PPARGC1B: variants seen among roughly 807,000 people sequenced by gnomAD.
The protein encoded by PPARGC1B is PPARG coactivator 1 beta, also known as peroxisome proliferator-activated receptor gamma coactivator 1-beta.
In PPARGC1B, 34 loss-of-function variants were observed where a neutral mutation model predicts 101.6. The observed-to-expected ratio is 0.33, with a 90% confidence interval of 0.25 to 0.45. PPARGC1B has a LOEUF of 0.45. PPARGC1B is among the 20% of genes least tolerant of loss of function. The probability of loss-of-function intolerance (pLI) is 1.00; values close to 1 mark genes in which losing one functional copy is unlikely to be tolerated. For missense variants in PPARGC1B, 1,234 were observed against 1,317.6 expected (o/e 0.94, Z 0.98); for synonymous variants, 548 against 539.3 (o/e 1.02, Z -0.22).
rs762128880 is a variant in PPARGC1B at position 149,833,450 on chromosome 5, C to A, written c.1377C>A (p.Gly459=). The part of the protein sequence containing the change: ...EEWGRKRPGR[G]LPWTKLGRKL... ...GGGGCAGGAAAAGGCCAGGCCGAGG[C>A]CTGCCATGGACGAAGCTGGGGAGGA... The change falls in exon 5 of 12, where the codon GGC becomes GGA. Residue 459 remains glycine, a synonymous_variant. Coordinates refer to ENST00000309241, the MANE Select transcript of PPARGC1B (RefSeq NM_133263.4). The surrounding 1 kb of genome is among the most constrained non-coding windows in gnomAD (Gnocchi z 4.1). The A allele has an allele frequency of 6.3e-7, 1 of 1,575,608 alleles. No individual in the cohort carries two copies. Among genetic ancestry groups the A allele is most frequent in the South Asian group, 1.1e-5 (1 of 87,288 alleles).
At chr5:149,825,386 G>A (rs1272823539) in intron 2 of PPARGC1B, among the ~76,000 whole-genome samples, 1 of 152,258 alleles carries the variant, frequency 6.6e-6, no homozygotes, top group African/African-American at 2.4e-5. Flanking sequence ...GCCTCCCTGA[G>A]CCTGACAGAG....
intron 3 of PPARGC1B, among the ~76,000 whole-genome samples, chr5:149,829,305 G>A (rs1029144650): frequency 2.0e-5 from 3 of 152,128 alleles, no homozygotes; most frequent in South Asian, 4.1e-4. Context: ...ACAGTGCACC[G>A]GGCCTGAGCC....
intron 1 of PPARGC1B, among the ~76,000 whole-genome samples, chr5:149,797,673 C>A (rs1366183028): frequency 6.6e-6 from 1 of 152,232 alleles, no homozygotes; most frequent in Non-Finnish European, 1.5e-5. Flanking sequence ...GTAATCCCAA[C>A]ACCTTGGGAG....
In PPARGC1B at chr5:149,842,291, C is replaced by T. The variant is rs146669072; in HGVS notation, c.2730C>T (p.Ser910=). 7.4e-6 allele frequency: 12 copies of T among 1,613,922 alleles called. No individual in the cohort carries two copies. The African/African-American group carries it at 9.3e-5, about 13-fold the overall frequency. Residue 910 remains serine (S), a synonymous_variant, in exon 10 of 12, where the codon TCC becomes TCT. Coordinates refer to ENST00000309241, the MANE Select transcript of PPARGC1B (RefSeq NM_133263.4). ...GCGTGGTGTACATTCAAAATCTCTC[C>T]AGCGACATGAGCTCCCGAGAGCTGA... ...EGRVVYIQNL[S]SDMSSRELKR...
chr5:149,769,431 G>T (rs1756039403), intron 1 of PPARGC1B, among the ~76,000 whole-genome samples: 1 of 152,184 alleles, frequency 6.6e-6, no homozygotes, highest in Admixed American at 6.5e-5. Flanking sequence ...TGCTGCCGGA[G>T]CCAGGCGTCA....
In PPARGC1B at chr5:149,833,661, A is replaced by G; in HGVS notation, c.1588A>G (p.Ser530Gly). 1.2e-6 allele frequency: 2 copies of G among 1,610,216 alleles called. No homozygotes were observed. Among genetic ancestry groups the G allele is most frequent in the Non-Finnish European group, 1.7e-6 (2 of 1,178,542 alleles). ...RELGSPTDED[S>G]GQDQQLLRGP... ...GCTGGGCAGCCCCACGGACGAGGAC[A>G]GTGGCCAAGACCAGCAGCTCCTACG... is the stretch of plus-strand genomic sequence containing the variant. The change falls in exon 5 of 12, where the codon AGT (serine) becomes GGT (glycine). Residue 530 changes from serine to glycine, a missense_variant. Physicochemically the swap from Ser to Gly is moderately conservative, Grantham distance 56 (BLOSUM62 0). Transcript: ENST00000309241. This position sits in a 1 kb window ranked among gnomAD's most constrained non-coding sequence, Gnocchi z 4.1.
intron 1 of PPARGC1B, among the ~76,000 whole-genome samples, chr5:149,785,365 C>G (rs990335558): frequency 1.3e-5 from 2 of 152,094 alleles, no homozygotes; most frequent in African/African-American, 4.8e-5. Flanking sequence ...CCTCTGTGAA[C>G]CTTGGTTTTT....
chr5:149,812,734 C>A (rs1416625447), intron 1 of PPARGC1B, among the ~76,000 whole-genome samples: 1 of 152,216 alleles, frequency 6.6e-6, no homozygotes, highest in Non-Finnish European at 1.5e-5. Context: ...CAGCGCAGCC[C>A]CCTTGTCCAA....
At chr5:149,816,372 A>C (rs1299560747) in intron 1 of PPARGC1B, among the ~76,000 whole-genome samples, 7 of 152,240 alleles carry the variant, frequency 4.6e-5, no homozygotes, top group Admixed American at 1.3e-4. Context: ...GATGACCCCG[A>C]ACAAATCCAT....
intron 1 of PPARGC1B, among the ~76,000 whole-genome samples, chr5:149,788,893 A>C (rs1369760376): frequency 6.6e-6 from 1 of 151,918 alleles, no homozygotes; most frequent in African/African-American, 2.4e-5. Context: ...ACTTGGACAC[A>C]GGGTGGGGAA....
Position 149,826,892 on chromosome 5 carries a change from A to G in PPARGC1B, c.465+7A>G. 6.3e-7 allele frequency: 1 copy of G among 1,598,120 alleles called. No individual in the cohort carries two copies. Among genetic ancestry groups the G allele is most frequent in the Non-Finnish European group, 8.6e-7 (1 of 1,168,728 alleles). ...GGTGGACGAGCTCTCACTGGTAAGA[A>G]CCTACTTACAGCAGAAGTGATGGTT... On this transcript the variant is annotated splice_region_variant and intron_variant, in intron 3 of 11. Transcript: ENST00000309241.
intron 1 of PPARGC1B, among the ~76,000 whole-genome samples, chr5:149,801,539 G>A (rs1474460451): frequency 6.6e-6 from 1 of 152,194 alleles, no homozygotes; most frequent in Admixed American, 6.5e-5. Context: ...GTGGGTGCTG[G>A]TGTGAAATGA....
chr5:149,830,393 TTG>T (rs965842984), intron 3 of PPARGC1B, among the ~76,000 whole-genome samples: 2 of 152,034 alleles, frequency 1.3e-5, no homozygotes, highest in African/African-American at 4.8e-5. Context: ...ACCTTCCAGA[TTG>T]TGTGTATGTG....
intron 1 of PPARGC1B, among the ~76,000 whole-genome samples, chr5:149,753,882 C>T (rs756665434): frequency 1.3e-5 from 2 of 152,014 alleles, no homozygotes; most frequent in Non-Finnish European, 2.9e-5. Flanking sequence ...TTAGTAGAGA[C>T]GGGATTTTGC....
intron 1 of PPARGC1B, among the ~76,000 whole-genome samples, chr5:149,818,563 T>A (rs969331037): frequency 4.3e-4 from 65 of 152,298 alleles, no homozygotes; most frequent in Non-Finnish European, 3.7e-4. Flanking sequence ...GATAAAAGCC[T>A]TTTTCCTGTG....
chr5:149,839,703 G>T (rs1759254132), intron 8 of PPARGC1B, among the ~76,000 whole-genome samples: 1 of 152,116 alleles, frequency 6.6e-6, no homozygotes. Context: ...AAAAAAATCA[G>T]GTCAAATAAG....
intron 1 of PPARGC1B, among the ~76,000 whole-genome samples, chr5:149,804,140 T>G (rs776308732): frequency 1.3e-5 from 2 of 152,192 alleles, no homozygotes; most frequent in Non-Finnish European, 2.9e-5. Flanking sequence ...GGGGGGTTAG[T>G]GTGAGAGAGA....
At chr5:149,844,423 A>G (rs1759471035) in intron 10 of PPARGC1B, among the ~76,000 whole-genome samples, 1 of 152,234 alleles carries the variant, frequency 6.6e-6, no homozygotes, top group Admixed American at 6.5e-5. Flanking sequence ...AGATTACTTG[A>G]GGCTAGGAGT....
In PPARGC1B at chr5:149,833,217, C is replaced by G; in HGVS notation, c.1144C>G (p.Gln382Glu). 6.2e-7 allele frequency: 1 copy of G among 1,613,376 alleles called. No homozygotes were observed. The highest frequency in any genetic ancestry group is 1.1e-5 in the South Asian group (1 of 91,080). The change falls in exon 5 of 12, where the codon CAG becomes GAG. Residue 382 changes from glutamine to glutamate, a missense_variant. Gln to Glu is a conservative substitution (Grantham distance 29, BLOSUM62 2). Coordinates refer to ENST00000309241, the MANE Select transcript of PPARGC1B (RefSeq NM_133263.4). The surrounding 1 kb of genome is among the most constrained non-coding windows in gnomAD (Gnocchi z 4.1). ...RSRPRPPKDS[Q>E]ASPGRPSSVE... Reference sequence around the variant, plus strand: ...AAGGCCCAGGCCCCCCAAAGACAGTCAGGCCTCCCCTGGTCGCCCGTCCTC... The same window carrying G: ...AAGGCCCAGGCCCCCCAAAGACAGTGAGGCCTCCCCTGGTCGCCCGTCCTC...
Sources: gnomAD v4.1 joint callset for allele counts (sites outside exome capture counted in the v4.1 genomes callset) on GRCh38, gnomAD v4.1.1 for gene constraint, Gnocchi (gnomAD v3.1) non-coding constraint, MANE v1.5 for transcripts, NCBI Gene and HGNC (gene_info 2026-07-23, HGNC 2026-07-21) for gene names.